COX7A2L: variants seen among roughly 807,000 people sequenced by gnomAD.
COX7A2L encodes cytochrome c oxidase subunit 7A2 like.
COX7A2L carries 18 observed loss-of-function variants against 14.2 expected under a neutral mutation model. The observed-to-expected ratio is 1.27, with a 90% CI of 0.88 to 1.88. COX7A2L has a LOEUF of 1.88. COX7A2L is among the 40% of genes most tolerant of loss of function. The probability of loss-of-function intolerance (pLI) is 0.00; values close to 1 mark genes in which losing one functional copy is unlikely to be tolerated. For synonymous variants in COX7A2L, 65 were observed against 57.4 expected, an observed-to-expected ratio of 1.13 and a Z score of -0.60; for missense variants, 179 against 138.8, an observed-to-expected ratio of 1.29 and a Z score of -1.46.
rs538092632 is a variant in COX7A2L, at chr2:42,350,633, A to C, written c.*586T>G. The C allele has an allele frequency of 6.6e-6, 1 of 151,134 alleles. No individual in the cohort carries two copies. The highest frequency in any genetic ancestry group is 2.0e-4 in the East Asian group (1 of 5,122). The allele number at this position is 151,134 out of a possible 1,614,324, so 9.4% of individuals were successfully genotyped here. Reference sequence around the variant, plus strand: ...AGACACCAGTCTAAAGTGCAACACTAAACAGGTATTCTCTGTTCCCACGGT... The same window carrying C: ...AGACACCAGTCTAAAGTGCAACACTCAACAGGTATTCTCTGTTCCCACGGT... On this transcript the variant is annotated 3_prime_UTR_variant, in exon 3 of 3. Coordinates refer to ENST00000234301, the MANE Select transcript of COX7A2L (RefSeq NM_004718.4).
At chr2:42,357,475 A>T (rs540180932) in intron 1 of COX7A2L, among the ~76,000 whole-genome samples, 1 of 151,772 alleles carries the variant, frequency 6.6e-6, no homozygotes, top group South Asian at 2.1e-4. Flanking sequence ...TACCCAGCTA[A>T]TTTTTCTTAT....
At chr2:42,343,548 C>A (rs957001897) in intron 2 of COX7A2L, among the ~76,000 whole-genome samples, 2 of 152,172 alleles carry the variant, frequency 1.3e-5, no homozygotes, top group Non-Finnish European at 2.9e-5. Context: ...CTCAGCCAAC[C>A]CGACATGGGC....
In COX7A2L at chr2:42,339,356, G is replaced by C. The variant is rs1158971807; in HGVS notation, c.193-5487C>G. Among the ~76,000 whole-genome samples the C allele has an allele frequency of 6.6e-6, 1 of 152,102 alleles. No individual in the cohort carries two copies. The highest frequency in any genetic ancestry group is 1.5e-5 in the Non-Finnish European group (1 of 68,020). On this transcript the variant is annotated intron_variant, in intron 2 of 2. Transcript: ENST00000468711. The surrounding 1 kb of genome is among the most constrained non-coding windows in gnomAD (Gnocchi z 5.4). ...ATGTCCTGATTCAACGCTAGGCTCC[G>C]TTCCACACCACTCACTCGAAGCATG...
intron 2 of COX7A2L, among the ~76,000 whole-genome samples, chr2:42,337,782 T>TG (rs1376044810): frequency 6.6e-6 from 1 of 152,208 alleles, no homozygotes; most frequent in Non-Finnish European, 1.5e-5. Flanking sequence ...CTTCTTTTTA[T>TG]GCTTTTGAAG....
In COX7A2L at chr2:42,342,026, G is replaced by C. The variant is rs1670412704; in HGVS notation, c.193-8157C>G. Among the ~76,000 whole-genome samples the C allele has an allele frequency of 6.6e-6, 1 of 152,158 alleles. No individual in the cohort carries two copies. Among genetic ancestry groups the C allele is most frequent in the Non-Finnish European group, 1.5e-5 (1 of 68,024 alleles). ...GCCTAAGCAGGGGGCAGGTGGGAGGGGAAGATGGGGTTAAAGCCCTCCCAG... is the reference window on the plus strand; with the variant it reads ...GCCTAAGCAGGGGGCAGGTGGGAGGCGAAGATGGGGTTAAAGCCCTCCCAG... On this transcript the variant is annotated intron_variant, in intron 2 of 2. Coordinates refer to the COX7A2L transcript ENST00000468711. This position sits in a 1 kb window ranked among gnomAD's most constrained non-coding sequence, Gnocchi z 4.9.
chr2:42,365,351 G>A (rs1671144765), upstream of COX7A2L, among the ~76,000 whole-genome samples: 1 of 152,202 alleles, frequency 6.6e-6, no homozygotes, highest in Non-Finnish European at 1.5e-5. Flanking sequence ...AGTCGGTTGG[G>A]CACGGTGGCT....
chr2:42,337,901 C>G (rs1331497222), intron 2 of COX7A2L, among the ~76,000 whole-genome samples: 1 of 152,204 alleles, frequency 6.6e-6, no homozygotes, highest in African/African-American at 2.4e-5. Flanking sequence ...GCAGTGCGGA[C>G]CGTGGGACCA....
In COX7A2L at chr2:42,351,224, T is replaced by A. The variant is rs192694677; in HGVS notation, c.340A>T (p.Lys114Ter). The A allele has an allele frequency of 1.9e-6, 3 of 1,613,764 alleles. No homozygotes were observed. The highest frequency in any genetic ancestry group is 4.5e-5 in the East Asian group (2 of 44,878). ...ALYMASQPKN[K>*] The stretch of plus-strand genomic sequence containing the variant: ...CCAGTCCTCTGCAGCCTAACTCATT[T>A]GTTTTTGGGCTGCGAAGCCATGTAG... The change falls in exon 3 of 3, where the codon AAA (lysine) becomes TAA (stop). Residue 114 changes from lysine to a stop codon, truncating the protein, a stop_gained. Transcript: ENST00000234301. LOFTEE classifies it high-confidence loss of function.
intron 2 of COX7A2L, 195 bp downstream of exon 2, chr2:42,353,017 C>T (rs1044747014): frequency 3.1e-6 from 2 of 645,298 alleles, no homozygotes; most frequent in African/African-American, 1.9e-5. Flanking sequence ...GGAAATTAAC[C>T]ACCCTCCCCT....
chr2:42,339,714 A>G lies in COX7A2L; in HGVS notation c.193-5845T>C, dbSNP rs980416753. On this transcript the variant is annotated intron_variant, in intron 2 of 2. Transcript: ENST00000468711. The surrounding 1 kb of genome is among the most constrained non-coding windows in gnomAD (Gnocchi z 5.4). ...TATACACCCACACAGCCACCCCTGG[A>G]GGAAGACCTGGGATGCTGCCAGCAC... 6.6e-6 allele frequency among the ~76,000 whole-genome samples: 1 copy of G among 152,162 alleles called. No homozygotes were observed. Among genetic ancestry groups the G allele is most frequent in the African/African-American group, 2.4e-5 (1 of 41,440 alleles).
In COX7A2L at chr2:42,339,769, C is replaced by G. The variant is rs59984817; in HGVS notation, c.193-5900G>C. On this transcript the variant is annotated intron_variant, in intron 2 of 2. Transcript: ENST00000468711. This position sits in a 1 kb window ranked among gnomAD's most constrained non-coding sequence, Gnocchi z 5.4. ...AAGTCGGCCTGTGACCCGCTCCTGT[C>G]AGGGACTCCCACAGGGCAGCCTCGA... 0.13 allele frequency among the ~76,000 whole-genome samples: 19,713 copies of G among 152,248 alleles called. 1,280 individuals are homozygous for G. Among genetic ancestry groups the G allele is most frequent in the East Asian group, 0.19 (961 of 5,186 alleles).
chr2:42,345,465 C>G (rs1406772109), downstream of COX7A2L, among the ~76,000 whole-genome samples: 5 of 151,044 alleles, frequency 3.3e-5, no homozygotes, highest in Non-Finnish European at 7.4e-5. Flanking sequence ...TTAAAAACCT[C>G]TAAATTGCAA....
At chr2:42,347,840 G>C (rs530918568), downstream of COX7A2L, among the ~76,000 whole-genome samples, 74 of 152,322 alleles carry the variant, frequency 4.9e-4, no homozygotes, top group African/African-American at 1.6e-3. Context: ...AGAACTGCTT[G>C]AACCCAGAAA....
upstream of COX7A2L, among the ~76,000 whole-genome samples, chr2:42,363,524 T>G (rs1671102443): frequency 6.6e-6 from 1 of 152,218 alleles, no homozygotes; most frequent in Non-Finnish European, 1.5e-5. Flanking sequence ...TTTTAGATCC[T>G]GCAAGACATA....
chr2:42,356,009 A>G (rs1670807508), intron 1 of COX7A2L, among the ~76,000 whole-genome samples: 1 of 151,982 alleles, frequency 6.6e-6, no homozygotes, highest in Non-Finnish European at 1.5e-5. Context: ...TACAGGCGTG[A>G]GCCACCACAC....
chr2:42,335,799 G>A (rs1670258509), intron 2 of COX7A2L, among the ~76,000 whole-genome samples: 2 of 152,228 alleles, frequency 1.3e-5, no homozygotes, highest in South Asian at 4.1e-4. Flanking sequence ...ACTTCCAGTA[G>A]AAGAACTTAA....
At position 42,338,332 on chromosome 2, in the gene COX7A2L, C is replaced by T. The variant is rs1461800527; in HGVS notation, c.193-4463G>A. Among the ~76,000 whole-genome samples the T allele has an allele frequency of 1.3e-5, 2 of 152,160 alleles. No homozygotes were observed. The highest frequency in any genetic ancestry group is 2.9e-5 in the Non-Finnish European group (2 of 68,034). On this transcript the variant is annotated intron_variant, in intron 2 of 2. Transcript: ENST00000468711. This position sits in a 1 kb window ranked among gnomAD's most constrained non-coding sequence, Gnocchi z 4.4. The stretch of plus-strand genomic sequence containing the variant: ...TGCGTGTCTGGGCTGAATCAGCTTC[C>T]CTTATTCAGAATTAATCAAATGGAA...
In COX7A2L at chr2:42,351,143, A is replaced by AC. The variant is rs562422695; in HGVS notation, c.*75_*76insG. 4.9e-4 allele frequency: 720 copies of AC among 1,470,756 alleles called. 3 individuals carry two copies. In the African/African-American group the frequency reaches 9.5e-3, roughly 19 times the overall value. 91.1% of individuals were successfully genotyped at this position (1,470,756 alleles called of 1,614,324 possible). ...TGTTAAGCCATCCAAGTAAAAAAAAAAATTTTAATTTAACAATGAAAAAGG... is the reference window on the plus strand; with the variant it reads ...TGTTAAGCCATCCAAGTAAAAAAAAACAATTTTAATTTAACAATGAAAAAGG... On this transcript the variant is annotated 3_prime_UTR_variant, in exon 3 of 3. Coordinates refer to ENST00000234301, the MANE Select transcript of COX7A2L (RefSeq NM_004718.4).
intron 1 of COX7A2L, 170 bp downstream of exon 1, chr2:42,360,920 C>T (rs977880118): frequency 8.7e-6 from 6 of 687,724 alleles, no homozygotes; most frequent in Middle Eastern, 3.8e-4. Flanking sequence ...CAAAAAGAAG[C>T]CTCAGTGACC....
Sources: gnomAD v4.1 joint callset for allele counts (sites outside exome capture counted in the v4.1 genomes callset) on GRCh38, gnomAD v4.1.1 for gene constraint, Gnocchi (gnomAD v3.1) non-coding constraint, MANE v1.5 for transcripts, NCBI Gene and HGNC (gene_info 2026-07-23, HGNC 2026-07-21) for gene names.